SUN2: variants seen among roughly 807,000 people sequenced by gnomAD.
SUN2 encodes the protein Sad1 and UNC84 domain containing 2.
In SUN2, 60 loss-of-function variants were observed where a neutral mutation model predicts 100.0. That is an observed-to-expected ratio of 0.60 (90% CI 0.49 to 0.74). SUN2 has a LOEUF of 0.74. SUN2 is among the 30% of genes least tolerant of loss of function. The pLI, the probability that SUN2 is intolerant of heterozygous loss-of-function variation, is 0.00. For synonymous variants in SUN2, 367 were observed against 403.3 expected (o/e 0.91, Z 1.08); for missense variants, 834 against 954.6 (o/e 0.87, Z 1.66).
Position 38,750,274 on chromosome 22 carries a change from G to A in SUN2, c.471C>T (p.Ser157=), listed in dbSNP as rs146940466. 1,311 of 1,613,790 alleles carry A rather than the reference G, an allele frequency of 8.1e-4. 18 individuals are homozygous for A. The highest frequency in any genetic ancestry group is 1.6e-4 in the Middle Eastern group (1 of 6,062). The change falls in exon 5 of 18, where the codon AGC becomes AGT. Residue 157 remains serine, a synonymous_variant. Coordinates refer to ENST00000689035, the MANE Select transcript of SUN2 (RefSeq NM_015374.3). Reference sequence around the variant, plus strand: ...GTAAGGAGCCCGCCCGTGAGACGGCGCTTCGGAGCCGCGAGCTGGAACTCT... The same window carrying A: ...GTAAGGAGCCCGCCCGTGAGACGGCACTTCGGAGCCGCGAGCTGGAACTCT... ...DQQSSSSRLR[S]AVSRAGSLLW... is the part of the protein sequence containing the mutation.
intron 4 of SUN2, 129 bp from the exon 5 acceptor site, chr22:38,750,449 G>A (rs768685496): frequency 8.6e-5 from 129 of 1,503,284 alleles, no homozygotes; most frequent in Non-Finnish European, 1.1e-4. Flanking sequence ...CAGGCCCGGT[G>A]TGCAGTAAGG....
At position 38,751,289 on chromosome 22, in the gene SUN2, G is replaced by A; in HGVS notation, c.207C>T (p.Tyr69=). ...ACTCGTGGACCAGCGACTCACTGTA[G>A]TAGGAGGTGTGTGCATCAGAGGACG... The part of the protein sequence containing the change: ...LGPSSDAHTS[Y]YSESLVHESW... The change falls in exon 3 of 18, where the codon TAC becomes TAT. Residue 69 remains tyrosine, a synonymous_variant. Transcript: ENST00000689035. The A allele has an allele frequency of 6.2e-7, 1 of 1,614,190 alleles. No individual in the cohort carries two copies. Among genetic ancestry groups the A allele is most frequent in the East Asian group, 2.2e-5 (1 of 44,888 alleles).
chr22:38,739,679 A>G lies in SUN2; in HGVS notation c.1578+43T>C. The G allele has an allele frequency of 6.3e-7, 1 of 1,591,060 alleles. No individual in the cohort carries two copies. The highest frequency in any genetic ancestry group is 1.3e-5 in the African/African-American group (1 of 74,644). ...GGACTGTCCAGGGCTCCCAGGGAGG[A>G]GAGCTGTGGGTGGGTGTGTGGAGAG... On this transcript the variant is annotated intron_variant, in intron 13 of 17. Transcript: ENST00000689035. This position sits in a 1 kb window ranked among gnomAD's most constrained non-coding sequence, Gnocchi z 6.7.
rs2092797035 is a variant in SUN2 at position 38,735,541 on chromosome 22, GGA to G, written c.*724_*725del. The G allele has an allele frequency of 4.1e-6, 1 of 243,788 alleles. No individual in the cohort carries two copies. The highest frequency in any genetic ancestry group is 5.2e-5 in the Admixed American group (1 of 19,198). 15.1% of individuals were successfully genotyped at this position (243,788 alleles called of 1,614,324 possible). On this transcript the variant is annotated 3_prime_UTR_variant, in exon 18 of 18. Transcript: ENST00000689035. ...CAGGGTGGGCCCCAACCTAGCATCA[GGA>G]GAGAGAAAAGCAACTACCGTCCCCA... is the stretch of plus-strand genomic sequence containing the variant.
intron 9 of SUN2, 97 bp from the exon 10 acceptor site, chr22:38,741,668 G>A: frequency 8.5e-7 from 1 of 1,178,490 alleles, no homozygotes; most frequent in Non-Finnish European, 1.2e-6. Context: ...AACAAGGTCT[G>A]TTTGCTTCCA....
At chr22:38,745,139 A>G (rs1412707886) in intron 8 of SUN2, 1 of 470,782 alleles carries the variant, frequency 2.1e-6, no homozygotes, top group Non-Finnish European at 4.4e-6. Context: ...CTCTCTTGAA[A>G]CCCTGCCTGG....
rs1175822817 is a variant in SUN2 at position 38,740,829 on chromosome 22, G to A, written c.1190+178C>T. The A allele has an allele frequency of 4.5e-6, 3 of 671,018 alleles. No homozygotes were observed. Among genetic ancestry groups the A allele is most frequent in the Non-Finnish European group, 7.7e-6 (3 of 391,202 alleles). 41.6% of individuals were successfully genotyped at this position (671,018 alleles called of 1,614,324 possible). ...CAGGACCCCCCTGCTAACCTCCATGGCACCTCAAAGACAGGCCCTGGGCAG... is the reference window on the plus strand; with the variant it reads ...CAGGACCCCCCTGCTAACCTCCATGACACCTCAAAGACAGGCCCTGGGCAG... On this transcript the variant is annotated intron_variant, in intron 11 of 17. Coordinates refer to ENST00000689035, the MANE Select transcript of SUN2 (RefSeq NM_015374.3). The surrounding 1 kb of genome is among the most constrained non-coding windows in gnomAD (Gnocchi z 4.8).
chr22:38,735,090 GA>G lies in SUN2; in HGVS notation c.*1176del. On this transcript the variant is annotated 3_prime_UTR_variant, in exon 18 of 18. Coordinates refer to ENST00000689035, the MANE Select transcript of SUN2 (RefSeq NM_015374.3). ...AATCAAGCCCTTAGCTTTTCAGTTA[GA>G]AAAACAGACCTTGAAAAATATATAC... is the stretch of plus-strand genomic sequence containing the variant. 3.0e-6 allele frequency: 1 copy of G among 332,520 alleles called. No homozygotes were observed. Among genetic ancestry groups the G allele is most frequent in the Non-Finnish European group, 5.9e-6 (1 of 168,400 alleles). 20.6% of individuals were successfully genotyped at this position (332,520 alleles called of 1,614,324 possible).
chr22:38,738,812 C>G lies in SUN2; in HGVS notation c.1780-58G>C. On this transcript the variant is annotated intron_variant, in intron 15 of 17. Transcript: ENST00000689035. The surrounding 1 kb of genome is among the most constrained non-coding windows in gnomAD (Gnocchi z 6.6). ...CCCTGAGTCCAGCTCTTGCTGACCC[C>G]AGATGGGACCAGCCCTCAGTGTGCT... The G allele has an allele frequency of 6.3e-6, 10 of 1,599,130 alleles. No homozygotes were observed. The highest frequency in any genetic ancestry group is 8.5e-6 in the Non-Finnish European group (10 of 1,170,480).
At position 38,739,591 on chromosome 22, in the gene SUN2, C is replaced by T. The variant is rs2092836792; in HGVS notation, c.1578+131G>A. Reference sequence around the variant, plus strand: ...CTGCCACCCACCCATGCCAGCCCCACAGCATGCAAAGCCTCCTGCTTGGCA... The same window carrying T: ...CTGCCACCCACCCATGCCAGCCCCATAGCATGCAAAGCCTCCTGCTTGGCA... On this transcript the variant is annotated intron_variant, in intron 13 of 17. Coordinates refer to ENST00000689035, the MANE Select transcript of SUN2 (RefSeq NM_015374.3). The surrounding 1 kb of genome is among the most constrained non-coding windows in gnomAD (Gnocchi z 6.7). 3 of 1,317,298 alleles carry T rather than the reference C, an allele frequency of 2.3e-6. No homozygotes were observed. Among genetic ancestry groups the T allele is most frequent in the Non-Finnish European group, 3.2e-6 (3 of 941,036 alleles). The allele number at this position is 1,317,298 out of a possible 1,614,324, so 81.6% of individuals were successfully genotyped here.
chr22:38,745,657 TG>T lies in SUN2; in HGVS notation c.813+26del. On this transcript the variant is annotated intron_variant, in intron 8 of 17. Transcript: ENST00000689035. ...CGTCACCTAATTATTGCTAAGCTCTTGGGAGCTACCACCCTCAGAGACTCAC... is the reference window on the plus strand; with the variant it reads ...CGTCACCTAATTATTGCTAAGCTCTTGGAGCTACCACCCTCAGAGACTCAC... The T allele has an allele frequency of 1.9e-6, 3 of 1,611,902 alleles. No individual in the cohort carries two copies. The South Asian group carries it at 3.3e-5, about 18-fold the overall frequency.
At chr22:38,749,012 G>A in intron 6 of SUN2, 1 of 483,862 alleles carries the variant, frequency 2.1e-6, no homozygotes, top group Non-Finnish European at 3.7e-6. Context: ...TTTTACTGAT[G>A]TTATTAAAAA....
chr22:38,739,003 G>A lies in SUN2; in HGVS notation c.1664-15C>T. ...GACGCTGGCCCCTGAGACAGGAGAG[G>A]AAGGCAGGGTGGGCTCCCGCACGGG... is the stretch of plus-strand genomic sequence containing the variant. On this transcript the variant is annotated splice_polypyrimidine_tract_variant and intron_variant, in intron 14 of 17. Transcript: ENST00000689035. This position sits in a 1 kb window ranked among gnomAD's most constrained non-coding sequence, Gnocchi z 6.7. The A allele has an allele frequency of 6.2e-7, 1 of 1,601,254 alleles. No individual in the cohort carries two copies. Among genetic ancestry groups the A allele is most frequent in the East Asian group, 2.3e-5 (1 of 44,102 alleles).
Position 38,755,251 on chromosome 22 carries a change from C to T in SUN2, c.-38+512G>A. 1 of 1,165,478 alleles carries T rather than the reference C, an allele frequency of 8.6e-7. No homozygotes were observed. Among genetic ancestry groups the T allele is most frequent in the Non-Finnish European group, 1.1e-6 (1 of 930,740 alleles). 72.2% of individuals were successfully genotyped at this position (1,165,478 alleles called of 1,614,324 possible). A position where few individuals can be genotyped will look rare whatever the true frequency, so the allele number is the denominator to read the frequency against. On this transcript the variant is annotated intron_variant, in intron 1 of 17. Coordinates refer to ENST00000689035, the MANE Select transcript of SUN2 (RefSeq NM_015374.3). The surrounding 1 kb of genome is among the most constrained non-coding windows in gnomAD (Gnocchi z 5.7). Reference sequence around the variant, plus strand: ...AACGCCCGGTGCTAACTCCCTCTGCCCTCATTCCCACAGGCCAAACCTGCA... The same window carrying T: ...AACGCCCGGTGCTAACTCCCTCTGCTCTCATTCCCACAGGCCAAACCTGCA...
chr22:38,739,624 C>T lies in SUN2; in HGVS notation c.1578+98G>A. On this transcript the variant is annotated intron_variant, in intron 13 of 17. Transcript: ENST00000689035. The surrounding 1 kb of genome is among the most constrained non-coding windows in gnomAD (Gnocchi z 6.7). Reference sequence around the variant, plus strand: ...AAAGCCTCCTGCTTGGCACTTCCATCCTGGAACCTGCCAGGGAGCTGGCAG... The same window carrying T: ...AAAGCCTCCTGCTTGGCACTTCCATTCTGGAACCTGCCAGGGAGCTGGCAG... The T allele has an allele frequency of 1.4e-6, 2 of 1,461,070 alleles. No homozygotes were observed. The highest frequency in any genetic ancestry group is 1.9e-6 in the Non-Finnish European group (2 of 1,064,840). The allele number at this position is 1,461,070 out of a possible 1,614,324, so 90.5% of individuals were successfully genotyped here.
In SUN2 at chr22:38,755,244, C is replaced by T; in HGVS notation, c.-38+519G>A. 5.1e-6 allele frequency: 6 copies of T among 1,169,132 alleles called. No individual in the cohort carries two copies. The highest frequency in any genetic ancestry group is 6.4e-6 in the Non-Finnish European group (6 of 932,578). 72.4% of individuals were successfully genotyped at this position (1,169,132 alleles called of 1,614,324 possible). A position where few individuals can be genotyped will look rare whatever the true frequency, so the allele number is the denominator to read the frequency against. ...CCTGCCAAACGCCCGGTGCTAACTC[C>T]CTCTGCCCTCATTCCCACAGGCCAA... is the stretch of plus-strand genomic sequence containing the variant. On this transcript the variant is annotated intron_variant, in intron 1 of 17. Coordinates refer to ENST00000689035, the MANE Select transcript of SUN2 (RefSeq NM_015374.3). The surrounding 1 kb of genome is among the most constrained non-coding windows in gnomAD (Gnocchi z 5.7).
rs975141047 is a variant in SUN2, at chr22:38,749,625, G to A, written c.614+141C>T. 47 of 742,786 alleles carry A rather than the reference G, an allele frequency of 6.3e-5. No homozygotes were observed. In the African/African-American group the frequency reaches 7.1e-4, roughly 11 times the overall value. 46.0% of individuals were successfully genotyped at this position (742,786 alleles called of 1,614,324 possible). A position where few individuals can be genotyped will look rare whatever the true frequency, so the allele number is the denominator to read the frequency against. ...TCAGGCAGGGGTGGGCTTTGGGGAA[G>A]CTACTCCGTGATCGCTAATAAAGGC... On this transcript the variant is annotated intron_variant, in intron 6 of 17. Transcript: ENST00000689035.
intron 17 of SUN2, 45 bp from the exon 18 acceptor site, chr22:38,736,425 G>A (rs749269045): frequency 6.6e-7 from 1 of 1,513,474 alleles, no homozygotes. Context: ...GACCTGTGAG[G>A]CCTCACTGAC....
intron 2 of SUN2, among the ~76,000 whole-genome samples, chr22:38,751,807 C>A (rs1189201881): frequency 6.6e-6 from 1 of 152,120 alleles, no homozygotes; most frequent in African/African-American, 2.4e-5. Context: ...CTGCTGAGGC[C>A]GGACAGGTGG....
Sources: allele counts gnomAD v4.1 joint callset (sites outside exome capture counted in the v4.1 genomes callset), GRCh38; gene constraint gnomAD v4.1.1; non-coding constraint Gnocchi (gnomAD v3.1); transcripts MANE v1.5; gene names NCBI Gene and HGNC (gene_info 2026-07-23, HGNC 2026-07-21).